Variants in DMD observed in about 807,000 individuals in gnomAD.
DMD encodes the protein mutant dystrophin.
Under a neutral mutation model 330.1 loss-of-function variants are expected in DMD, and 63 were observed. The observed-to-expected ratio is 0.19, with a 90% CI of 0.16 to 0.24. DMD has a LOEUF of 0.24. DMD is among the 10% of genes least tolerant of loss of function. DMD has a pLI of 1.00. For synonymous variants in DMD, 1,223 were observed against 959.8 expected (o/e 1.27, Z -5.07); for missense variants, 3,344 against 2,684.1 (o/e 1.25, Z -5.43).
chrX:32,442,561 G>C (rs765440508), intron 27 of DMD, among the ~76,000 whole-genome samples: 17 of 110,190 alleles, frequency 1.5e-4, no homozygotes, highest in Non-Finnish European at 3.2e-4. Flanking sequence ...TGTGTGTACT[G>C]AAATGGCCAT....
intron 4 of DMD, among the ~76,000 whole-genome samples, chrX:32,831,649 C>CGTGTGT (rs6151283): frequency 0.011 from 1,019 of 89,708 alleles, 15 homozygotes; most frequent in African/African-American, 0.033. Context: ...AAGATATTTA[C>CGTGTGT]GTGTGTGTGT....
At chrX:31,928,684 C>T (rs778965983) in intron 47 of DMD, among the ~76,000 whole-genome samples, 5 of 110,897 alleles carry the variant, frequency 4.5e-5, no homozygotes, top group African/African-American at 6.6e-5. Flanking sequence ...GCTGGACACA[C>T]GAAATGACTA....
intron 44 of DMD, among the ~76,000 whole-genome samples, chrX:31,998,715 C>T (rs2095606062): frequency 8.9e-6 from 1 of 111,759 alleles, no homozygotes; most frequent in South Asian, 3.7e-4. Flanking sequence ...TAAAAGAATT[C>T]ACAGAAGGCT....
In DMD at chrX:32,994,390, T is replaced by C. The variant is rs1001216427; in HGVS notation, c.93+25749A>G. ...TTTGAACTTGGGAATCTTGAAAATATTAAAAAGAATCCTGATTCTTTCTCC... is the reference window on the plus strand; with the variant it reads ...TTTGAACTTGGGAATCTTGAAAATACTAAAAAGAATCCTGATTCTTTCTCC... On this transcript the variant is annotated intron_variant, in intron 2 of 78. Transcript: ENST00000357033. Among the ~76,000 whole-genome samples the C allele has an allele frequency of 2.7e-5, 3 of 111,148 alleles. No individual in the cohort carries two copies. In the Admixed American group the frequency reaches 2.9e-4, roughly 11 times the overall value.
chrX:32,076,672 C>A (rs112923365), intron 44 of DMD, among the ~76,000 whole-genome samples: 1 of 111,786 alleles, frequency 8.9e-6, no homozygotes, highest in African/African-American at 3.3e-5. Context: ...AGCCACCCTG[C>A]CCGGCCCATA....
At chrX:32,686,754 G>C (rs2062913709) in intron 9 of DMD, among the ~76,000 whole-genome samples, 1 of 110,558 alleles carries the variant, frequency 9.0e-6, no homozygotes. Context: ...AAACAAAATA[G>C]ATTGTAATAA....
At chrX:31,775,965 G>A (rs73461829) in intron 50 of DMD, among the ~76,000 whole-genome samples, 1,858 of 112,255 alleles carry the variant, frequency 0.017, 43 homozygotes, top group African/African-American at 0.057. Context: ...CAGTAACAGT[G>A]AGGCAATAAA....
intron 1 of DMD, among the ~76,000 whole-genome samples, chrX:33,266,517 C>A (rs1329742273): frequency 9.0e-6 from 1 of 111,309 alleles, no homozygotes; most frequent in Non-Finnish European, 1.9e-5. Flanking sequence ...GGGTGGTTAA[C>A]TTGAAAGAAG....
At chrX:32,981,945 A>C (rs1239306761) in intron 2 of DMD, among the ~76,000 whole-genome samples, 1 of 111,910 alleles carries the variant, frequency 8.9e-6, no homozygotes, top group East Asian at 2.8e-4. Flanking sequence ...CCCAGGGTTG[A>C]TTAAATGCAG....
chrX:32,916,555 C>G (rs758695954), intron 2 of DMD, among the ~76,000 whole-genome samples: 1 of 111,243 alleles, frequency 9.0e-6, no homozygotes, highest in Non-Finnish European at 1.9e-5. Context: ...TTTTAAATGT[C>G]AATATATTGT....
At chrX:32,596,431 T>C (rs2055540971) in intron 12 of DMD, among the ~76,000 whole-genome samples, 1 of 112,010 alleles carries the variant, frequency 8.9e-6, no homozygotes, top group Non-Finnish European at 1.9e-5. Context: ...CTAAATTCAA[T>C]AACCATTTGT....
rs2053655996 is a variant in DMD, at chrX:31,291,106, A to C, written c.9225-30090T>G. On this transcript the variant is annotated intron_variant, in intron 62 of 78. Transcript: ENST00000357033. ...AGTGTAAATTAAATAAATGTCAACT[A>C]TAAATGAATTATATTATTTGAAAAT... 2.7e-5 allele frequency among the ~76,000 whole-genome samples: 3 copies of C among 112,354 alleles called. No homozygotes were observed. The South Asian group carries it at 1.1e-3, about 41-fold the overall frequency.
chrX:32,078,568 T>A (rs771709535), intron 44 of DMD, among the ~76,000 whole-genome samples: 1 of 112,551 alleles, frequency 8.9e-6, no homozygotes, highest in East Asian at 2.8e-4. Context: ...TCATCCTCAA[T>A]GTCTTAGCCA....
intron 61 of DMD, among the ~76,000 whole-genome samples, chrX:31,344,675 C>T (rs985763438): frequency 9.1e-6 from 1 of 110,133 alleles, no homozygotes; most frequent in African/African-American, 3.3e-5. Flanking sequence ...ATAGTGAAAC[C>T]CCGTCTCTAC....
chrX:32,819,871 AAC>A (rs1237048993), intron 5 of DMD, among the ~76,000 whole-genome samples: 7 of 110,445 alleles, frequency 6.3e-5, no homozygotes, highest in African/African-American at 2.0e-4. Context: ...AAAAAAGAAA[AAC>A]ACATTTTTAG....
chrX:31,579,258 G>A (rs1419415697), intron 55 of DMD, among the ~76,000 whole-genome samples: 2 of 112,196 alleles, frequency 1.8e-5, no homozygotes, highest in Admixed American at 1.9e-4. Context: ...GAGTCTTTGT[G>A]AACATTTCAG....
chrX:32,204,842 T>C (rs2606679), intron 44 of DMD, among the ~76,000 whole-genome samples: 44,937 of 106,560 alleles, frequency 0.42, 8,690 homozygotes, highest in African/African-American at 0.72. Context: ...ACATATAGCA[T>C]GAACTAACTT....
intron 17 of DMD, 56 bp downstream of exon 17, chrX:32,545,103 G>A: frequency 1.8e-6 from 2 of 1,113,799 alleles, no homozygotes; most frequent in Admixed American, 4.4e-5. Flanking sequence ...CAACAAAACT[G>A]CTGTAAATGA....
intron 29 of DMD, among the ~76,000 whole-genome samples, chrX:32,430,510 C>A (rs2098233692): frequency 9.0e-6 from 1 of 111,493 alleles, no homozygotes; most frequent in South Asian, 3.7e-4. Flanking sequence ...ATGACATAAA[C>A]CTATTCATCA....
Sources: allele counts gnomAD v4.1 joint callset (sites outside exome capture counted in the v4.1 genomes callset), GRCh38; gene constraint gnomAD v4.1.1; transcripts MANE v1.5; gene names NCBI Gene and HGNC (gene_info 2026-07-23, HGNC 2026-07-21).